CAMTA1: variants seen among roughly 807,000 people sequenced by gnomAD.
The protein encoded by CAMTA1 is calmodulin-binding transcription activator 1.
In CAMTA1, 27 loss-of-function variants were observed where a neutral mutation model predicts 170.9. That is an observed-to-expected ratio of 0.16 (90% CI 0.12 to 0.22). The LOEUF (loss-of-function observed/expected upper bound fraction) is 0.22. Among genes scored for constraint, CAMTA1 ranks in the 10% least tolerant of loss-of-function variants. The probability of loss-of-function intolerance (pLI) is 1.00; values close to 1 mark genes in which losing one functional copy is unlikely to be tolerated. For synonymous variants in CAMTA1, 833 were observed against 891.5 expected (o/e 0.93, Z 1.17); for missense variants, 1,619 against 2,217.2 (o/e 0.73, Z 5.42).
chr1:6,878,346 C>T (rs1009620445), intron 3 of CAMTA1, among the ~76,000 whole-genome samples: 5 of 152,244 alleles, frequency 3.3e-5, no homozygotes, highest in Non-Finnish European at 7.3e-5. Flanking sequence ...AAGGGCATTA[C>T]CACAGCCCAG....
chr1:6,867,052 T>A (rs1666802804), intron 3 of CAMTA1, among the ~76,000 whole-genome samples: 1 of 152,218 alleles, frequency 6.6e-6, no homozygotes, highest in Non-Finnish European at 1.5e-5. Flanking sequence ...CCACCCACCA[T>A]TCTTAAGCAG....
At chr1:7,733,318 G>A (rs1257822285) in intron 12 of CAMTA1, among the ~76,000 whole-genome samples, 2 of 152,134 alleles carry the variant, frequency 1.3e-5, no homozygotes, top group African/African-American at 4.8e-5. Flanking sequence ...TTAAGTGTAG[G>A]TATAAAACAT....
intron 6 of CAMTA1, among the ~76,000 whole-genome samples, chr1:7,474,404 A>C (rs11805543): frequency 0.16 from 24,232 of 152,142 alleles, 2,098 homozygotes; most frequent in African/African-American, 0.22. Flanking sequence ...GCAGCATGGA[A>C]TACAGAGGCT....
rs1015366834 is a variant in CAMTA1 at position 7,117,841 on chromosome 1, C to G, written c.302+26470C>G. Among the ~76,000 whole-genome samples, 3 of 152,210 alleles carry G rather than the reference C, an allele frequency of 2.0e-5. 1 individual carries two copies. The South Asian group carries it at 6.2e-4, about 32-fold the overall frequency. Reference sequence around the variant, plus strand: ...GGCGGACTCTCTCGCTTCTTCCAGCCAATTCCCGTTCTGCTGTGGTCATCC... The same window carrying G: ...GGCGGACTCTCTCGCTTCTTCCAGCGAATTCCCGTTCTGCTGTGGTCATCC... On this transcript the variant is annotated intron_variant, in intron 4 of 22. Coordinates refer to ENST00000303635, the MANE Select transcript of CAMTA1 (RefSeq NM_015215.4).
chr1:6,932,807 A>T (rs192411852), intron 3 of CAMTA1, among the ~76,000 whole-genome samples: 1 of 152,180 alleles, frequency 6.6e-6, no homozygotes, highest in Non-Finnish European at 1.5e-5. Flanking sequence ...TGAAGTGTCT[A>T]TTCAAATCTT....
chr1:7,755,920 G>A (rs901976196), intron 22 of CAMTA1, among the ~76,000 whole-genome samples: 1 of 152,142 alleles, frequency 6.6e-6, no homozygotes, highest in Non-Finnish European at 1.5e-5. Context: ...ACCACTGCAG[G>A]GCATGCCGAG....
In CAMTA1 at chr1:7,604,413, G is replaced by A. The variant is rs545509211; in HGVS notation, c.511-35987G>A. Reference sequence around the variant, plus strand: ...CTTTTTTCTCTAAACTTCTTTTCTCGCTTCATTTCATTCATTTGATCTTCC... The same window carrying A: ...CTTTTTTCTCTAAACTTCTTTTCTCACTTCATTTCATTCATTTGATCTTCC... On this transcript the variant is annotated intron_variant, in intron 6 of 22. Coordinates refer to ENST00000303635, the MANE Select transcript of CAMTA1 (RefSeq NM_015215.4). 2.2e-4 allele frequency among the ~76,000 whole-genome samples: 34 copies of A among 151,918 alleles called. No homozygotes were observed. In the South Asian group the frequency reaches 6.0e-3, roughly 27 times the overall value.
chr1:6,806,630 G>A (rs1032435815), intron 1 of CAMTA1, among the ~76,000 whole-genome samples: 5 of 152,176 alleles, frequency 3.3e-5, no homozygotes, highest in African/African-American at 1.2e-4. Flanking sequence ...TTCTAAGAGA[G>A]CAAACAGCTC....
chr1:7,013,756 G>A (rs1700151128), intron 3 of CAMTA1, among the ~76,000 whole-genome samples: 1 of 152,200 alleles, frequency 6.6e-6, no homozygotes, highest in Non-Finnish European at 1.5e-5. Context: ...TGTGTTCTTG[G>A]TGAGGAGGGC....
intron 4 of CAMTA1, among the ~76,000 whole-genome samples, chr1:7,208,662 G>A (rs1159599704): frequency 6.6e-6 from 1 of 152,224 alleles, no homozygotes; most frequent in Non-Finnish European, 1.5e-5. Context: ...GAGGGCTGCC[G>A]TGGGTTGGGA....
intron 4 of CAMTA1, among the ~76,000 whole-genome samples, chr1:7,177,461 C>T (rs1651107312): frequency 6.8e-6 from 1 of 145,986 alleles, no homozygotes; most frequent in Non-Finnish European, 1.5e-5. Flanking sequence ...GCCCCTCCCA[C>T]ACCCTGAGGC....
Position 7,642,069 on chromosome 1 carries a change from A to C in CAMTA1, c.664+1516A>C, listed in dbSNP as rs1576551315. On this transcript the variant is annotated intron_variant, in intron 7 of 22. Coordinates refer to ENST00000303635, the MANE Select transcript of CAMTA1 (RefSeq NM_015215.4). This position sits in a 1 kb window ranked among gnomAD's most constrained non-coding sequence, Gnocchi z 6.3. ...CTCCCTGGCTCTGCCTGCTCACCCC[A>C]CCTTTCCCTCAGCTCTCAGCCTCTC... 7.0e-6 allele frequency among the ~76,000 whole-genome samples: 1 copy of C among 143,618 alleles called. No homozygotes were observed. The highest frequency in any genetic ancestry group is 2.6e-5 in the African/African-American group (1 of 38,006). 94.2% of individuals were successfully genotyped at this position (143,618 alleles called of 152,430 possible).
chr1:6,795,375 G>T (rs1488976923), intron 1 of CAMTA1, among the ~76,000 whole-genome samples: 2 of 151,080 alleles, frequency 1.3e-5, no homozygotes, highest in African/African-American at 2.4e-5. Context: ...TCTCTTTTTC[G>T]TAGAGGTGGG....
chr1:7,285,661 A>G (rs1672246098), intron 5 of CAMTA1, among the ~76,000 whole-genome samples: 1 of 152,154 alleles, frequency 6.6e-6, no homozygotes, highest in African/African-American at 2.4e-5. Context: ...TAACCTAAAC[A>G]TCACATAAGG....
intron 11 of CAMTA1, among the ~76,000 whole-genome samples, chr1:7,678,819 C>T (rs1250942015): frequency 1.3e-5 from 2 of 152,228 alleles, no homozygotes; most frequent in African/African-American, 4.8e-5. Context: ...CCCTCACGCA[C>T]CCCGCACCCA....
At chr1:7,666,982 A>G (rs1475178824) in intron 9 of CAMTA1, among the ~76,000 whole-genome samples, 1 of 152,074 alleles carries the variant, frequency 6.6e-6, no homozygotes, top group Non-Finnish European at 1.5e-5. Flanking sequence ...TCCGCCTCCC[A>G]GGTTCAAGCG....
chr1:7,724,842 G>A (rs12028339), intron 11 of CAMTA1, among the ~76,000 whole-genome samples: 44,769 of 148,422 alleles, frequency 0.3, 7,106 homozygotes, highest in South Asian at 0.45. Flanking sequence ...AAAAAAGATC[G>A]CATGTATTAG....
At chr1:7,677,937 C>A (rs1459844985) in intron 11 of CAMTA1, among the ~76,000 whole-genome samples, 1 of 152,224 alleles carries the variant, frequency 6.6e-6, no homozygotes, top group East Asian at 1.9e-4. Flanking sequence ...CTGGCTGGCC[C>A]CACCCTCAAT....
At chr1:7,450,290 G>C (rs879636672) in intron 5 of CAMTA1, among the ~76,000 whole-genome samples, 1 of 152,216 alleles carries the variant, frequency 6.6e-6, no homozygotes, top group African/African-American at 2.4e-5. Context: ...AGCCAGTGAA[G>C]ACACTACCTT....
Sources: allele counts gnomAD v4.1 joint callset (sites outside exome capture counted in the v4.1 genomes callset), GRCh38; gene constraint gnomAD v4.1.1; non-coding constraint Gnocchi (gnomAD v3.1); transcripts MANE v1.5; gene names NCBI Gene and HGNC (gene_info 2026-07-23, HGNC 2026-07-21).